Variants in BTBD7 observed in about 807,000 individuals in gnomAD.
BTBD7 encodes BTB domain containing 7, also known as BTB/POZ domain-containing protein 7.
Under a neutral mutation model 99.9 loss-of-function variants are expected in BTBD7, and 38 were observed. The observed-to-expected ratio is 0.38, with a 90% CI of 0.29 to 0.50. BTBD7 has a LOEUF of 0.50. Ranked by LOEUF, BTBD7 falls within the 20% of genes least tolerant of loss-of-function variation. The pLI is 0.93. For synonymous variants in BTBD7, 520 were observed against 511.4 expected, an observed-to-expected ratio of 1.02 and a Z score of -0.23; for missense variants, 1,170 against 1,394.6, an observed-to-expected ratio of 0.84 and a Z score of 2.57.
At chr14:93,260,128 C>T (rs1416911358) in intron 5 of BTBD7, among the ~76,000 whole-genome samples, 2 of 152,010 alleles carry the variant, frequency 1.3e-5, no homozygotes, top group Non-Finnish European at 2.9e-5. Context: ...ATTAAAGAAA[C>T]ACTATAAAAA....
intron 1 of BTBD7, among the ~76,000 whole-genome samples, chr14:93,301,775 TAAC>T (rs2053007891): frequency 6.6e-6 from 1 of 152,176 alleles, no homozygotes; most frequent in Non-Finnish European, 1.5e-5. Flanking sequence ...AAATCTAAGG[TAAC>T]AACATTGTTA....
intron 3 of BTBD7, among the ~76,000 whole-genome samples, chr14:93,271,352 C>T (rs1322139464): frequency 1.3e-5 from 2 of 151,790 alleles, no homozygotes; most frequent in African/African-American, 2.4e-5. Context: ...ATATTGAGGT[C>T]GGGGTGGAAA....
chr14:93,293,984 G>A lies in BTBD7; in HGVS notation c.1036C>T (p.Pro346Ser). 3 of 1,613,744 alleles carry A rather than the reference G, an allele frequency of 1.9e-6. No individual in the cohort carries two copies. Among genetic ancestry groups the A allele is most frequent in the East Asian group, 2.2e-5 (1 of 44,876 alleles). Residue 346 changes from proline (P) to serine (S), a missense_variant, in exon 3 of 11, where the codon CCC (proline) becomes TCC (serine). By Grantham distance (74) the Pro-to-Ser change is moderately conservative. Around this residue, in one of 4 missense-constraint regions of BTBD7, gnomAD observed 359 missense variants for 497.9 expected, o/e 0.72. Coordinates refer to ENST00000334746, the MANE Select transcript of BTBD7 (RefSeq NM_001002860.4). ...VVDLSVLHCS[P>S]SVGSLSEVQA... is the part of the protein sequence containing the mutation. Reference sequence around the variant, plus strand: ...ACTTCACTGAGACTCCCCACAGAGGGGCTACAGTGCAAAACAGAGAGGTCC... The same window carrying A: ...ACTTCACTGAGACTCCCCACAGAGGAGCTACAGTGCAAAACAGAGAGGTCC...
chr14:93,243,417 T>C (rs1452029189), intron 10 of BTBD7, among the ~76,000 whole-genome samples: 1 of 152,110 alleles, frequency 6.6e-6, no homozygotes, highest in Non-Finnish European at 1.5e-5. Context: ...ATGGTCTCGA[T>C]CTCCTGACCT....
chr14:93,331,763 C>T (rs942316555), intron 1 of BTBD7, among the ~76,000 whole-genome samples: 2 of 152,046 alleles, frequency 1.3e-5, no homozygotes, highest in Non-Finnish European at 2.9e-5. Flanking sequence ...CGCCTGTAAT[C>T]CCAGCTACTT....
intron 1 of BTBD7, among the ~76,000 whole-genome samples, chr14:93,313,379 AG>A (rs2053160525): frequency 6.6e-6 from 1 of 152,252 alleles, no homozygotes; most frequent in Non-Finnish European, 1.5e-5. Flanking sequence ...AATGAAGATT[AG>A]TTAGTTGTTA....
rs752028834 is a variant in BTBD7, at chr14:93,296,007, C to T, written c.45G>A (p.Arg15=). The change falls in exon 2 of 11, where the codon AGG becomes AGA. Residue 15 remains arginine, a synonymous_variant. Transcript: ENST00000334746. ...GTTGGGCCTGTGAATTTCCCCCTAC[C>T]CTCGGGGAACATGAATGAGGATAAT... ...ASNYPHSCSP[R]VGGNSQAQQT... is the part of the protein sequence containing the mutation. The T allele has an allele frequency of 2.5e-6, 4 of 1,613,996 alleles. No individual in the cohort carries two copies. Among genetic ancestry groups the T allele is most frequent in the Non-Finnish European group, 3.4e-6 (4 of 1,179,972 alleles).
intron 3 of BTBD7, among the ~76,000 whole-genome samples, chr14:93,275,703 C>T (rs2052648519): frequency 6.6e-6 from 1 of 152,150 alleles, no homozygotes; most frequent in Non-Finnish European, 1.5e-5. Flanking sequence ...TGAATCTGTA[C>T]AGTGTGTCAC....
At chr14:93,267,003 C>A (rs868700165) in intron 3 of BTBD7, among the ~76,000 whole-genome samples, 1 of 152,244 alleles carries the variant, frequency 6.6e-6, no homozygotes, top group South Asian at 2.1e-4. Context: ...AGTGGAGGAC[C>A]TCTGTTGGCC....
chr14:93,257,368 A>AAATGAAAAGT lies in BTBD7; in HGVS notation c.1448-23_1448-14dup. On this transcript the variant is annotated splice_polypyrimidine_tract_variant and intron_variant, in intron 5 of 10. Transcript: ENST00000334746. ...AGTAAGTTTGGCTCTATGAGACAGAAAATGAAAAGTTTCCAACCAAATCCA... is the reference window on the plus strand; with the variant it reads ...AGTAAGTTTGGCTCTATGAGACAGAAAATGAAAAGTAATGAAAAGTTTCCAACCAAATCCA... The AAATGAAAAGT allele has an allele frequency of 4.4e-6, 7 of 1,584,656 alleles. No homozygotes were observed. Among genetic ancestry groups the AAATGAAAAGT allele is most frequent in the Non-Finnish European group, 6.0e-6 (7 of 1,168,998 alleles).
intron 8 of BTBD7, among the ~76,000 whole-genome samples, 176 bp downstream of exon 8, chr14:93,251,287 A>G (rs1354041008): frequency 6.6e-6 from 1 of 152,250 alleles, no homozygotes; most frequent in Non-Finnish European, 1.5e-5. Context: ...GTAATACAAA[A>G]TAAAATATAA....
At chr14:93,322,461 T>C (rs2053280985) in intron 1 of BTBD7, among the ~76,000 whole-genome samples, 1 of 152,124 alleles carries the variant, frequency 6.6e-6, no homozygotes, top group Non-Finnish European at 1.5e-5. Flanking sequence ...CTTAAACATA[T>C]ACTATTACTA....
In BTBD7 at chr14:93,242,813, G is replaced by A; in HGVS notation, c.2859C>T (p.Cys953=). The A allele has an allele frequency of 1.2e-6, 2 of 1,614,192 alleles. No homozygotes were observed. Among genetic ancestry groups the A allele is most frequent in the South Asian group, 1.1e-5 (1 of 91,078 alleles). Reference sequence around the variant, plus strand: ...TGCTGAGAGCAGGAGTAGAAGGTCTGCAAGCAGCATTTGAGAAGTCATAGA... The same window carrying A: ...TGCTGAGAGCAGGAGTAGAAGGTCTACAAGCAGCATTTGAGAAGTCATAGA... The part of the protein sequence containing the change: ...PDFYDFSNAA[C]RPSTPALSRR... Residue 953 remains cysteine, a synonymous_variant, in exon 11 of 11, where the codon TGC becomes TGT. Coordinates refer to ENST00000334746, the MANE Select transcript of BTBD7 (RefSeq NM_001002860.4).
At chr14:93,261,135 G>A (rs1383415191) in intron 5 of BTBD7, among the ~76,000 whole-genome samples, 2 of 152,104 alleles carry the variant, frequency 1.3e-5, no homozygotes, top group Non-Finnish European at 2.9e-5. Flanking sequence ...AGGTCAGCCT[G>A]TACTCGTATT....
rs1371333269 is a variant in BTBD7 at position 93,263,860 on chromosome 14, C to T, written c.1296G>A (p.Gln432=). 3 of 1,614,110 alleles carry T rather than the reference C, an allele frequency of 1.9e-6. No individual in the cohort carries two copies. The highest frequency in any genetic ancestry group is 2.5e-6 in the Non-Finnish European group (3 of 1,180,018). ...ALHFLCEEFS[Q]VMTSDVFYEL... is the part of the protein sequence containing the mutation. ...CATAAAAAACATCCGAAGTCATGAC[C>T]TGGGAAAATTCCTCACAGAGGAAAT... The change falls in exon 4 of 11, where the codon CAG becomes CAA. Residue 432 remains glutamine, a synonymous_variant. Coordinates refer to ENST00000334746, the MANE Select transcript of BTBD7 (RefSeq NM_001002860.4).
At chr14:93,312,124 A>G (rs2053145585) in intron 1 of BTBD7, among the ~76,000 whole-genome samples, 1 of 152,172 alleles carries the variant, frequency 6.6e-6, no homozygotes, top group African/African-American at 2.4e-5. Context: ...AGCAATGCTG[A>G]AATTAAGTTA....
At chr14:93,259,652 TA>T (rs2052466952) in intron 5 of BTBD7, among the ~76,000 whole-genome samples, 1 of 152,346 alleles carries the variant, frequency 6.6e-6, no homozygotes, top group South Asian at 2.1e-4. Context: ...AAAAACTTTC[TA>T]AATCAACTGT....
At chr14:93,317,958 C>A (rs572172888) in intron 1 of BTBD7, among the ~76,000 whole-genome samples, 1 of 152,356 alleles carries the variant, frequency 6.6e-6, no homozygotes, top group African/African-American at 2.4e-5. Context: ...CAAGTCAATG[C>A]ATCCTACGCG....
chr14:93,273,765 C>G (rs1405051023), intron 3 of BTBD7, among the ~76,000 whole-genome samples: 2 of 152,192 alleles, frequency 1.3e-5, no homozygotes, highest in Non-Finnish European at 2.9e-5. Context: ...TCACTACCTC[C>G]AAACCAATAA....
Sources: allele counts gnomAD v4.1 joint callset (sites outside exome capture counted in the v4.1 genomes callset), GRCh38; gene constraint gnomAD v4.1.1; regional missense constraint gnomAD v4.1.1; transcripts MANE v1.5; gene names NCBI Gene and HGNC (gene_info 2026-07-23, HGNC 2026-07-21).